ESRRA: variants seen among roughly 807,000 people sequenced by gnomAD.
The protein encoded by ESRRA is estrogen related receptor alpha.
In ESRRA, 7 loss-of-function variants were observed where a neutral mutation model predicts 35.6. The observed-to-expected ratio is 0.20, with a 90% CI of 0.11 to 0.37. The LOEUF (loss-of-function observed/expected upper bound fraction) is 0.37. Among genes scored for constraint, ESRRA ranks in the 10% least tolerant of loss-of-function variants. The pLI is 1.00. For missense variants in ESRRA, 378 were observed against 561.7 expected, an observed-to-expected ratio of 0.67 and a Z score of 3.31; for synonymous variants, 223 against 246.9, an observed-to-expected ratio of 0.90 and a Z score of 0.91.
At chr11:64,314,117 G>A in intron 3 of ESRRA, 50 bp downstream of exon 3, 5 of 1,551,914 alleles carry the variant, frequency 3.2e-6, no homozygotes, top group Non-Finnish European at 4.4e-6. Flanking sequence ...CGGGGACCCG[G>A]GCCAGGTGGG....
chr11:64,308,389 G>A (rs192972684), intron 2 of ESRRA, among the ~76,000 whole-genome samples: 5 of 151,878 alleles, frequency 3.3e-5, no homozygotes, highest in East Asian at 2.0e-4. Flanking sequence ...GGTGGCTCGC[G>A]CCTGTAATCT....
intron 4 of ESRRA, 100 bp from the exon 5 acceptor site, chr11:64,314,641 A>G: frequency 8.2e-7 from 1 of 1,212,590 alleles, no homozygotes; most frequent in Non-Finnish European, 1.1e-6. Flanking sequence ...GACAGCTGCT[A>G]CTGAGGAAGG....
At position 64,315,568 on chromosome 11, in the gene ESRRA, T is replaced by C. The variant is rs2035232340; in HGVS notation, c.1013-139T>C. 6 of 1,243,972 alleles carry C rather than the reference T, an allele frequency of 4.8e-6. No homozygotes were observed. The East Asian group carries it at 1.4e-4, about 29-fold the overall frequency. 77.1% of individuals were successfully genotyped at this position (1,243,972 alleles called of 1,614,324 possible). A position where few individuals can be genotyped will look rare whatever the true frequency, so the allele number is the denominator to read the frequency against. On this transcript the variant is annotated intron_variant, in intron 6 of 6. Coordinates refer to ENST00000000442, the MANE Select transcript of ESRRA (RefSeq NM_004451.5). The stretch of plus-strand genomic sequence containing the variant: ...GGTCCTGGCCCACGAGCCGCAGCAA[T>C]GAGTGGTGCCTCTCAGTCAGCCAAT...
At chr11:64,314,957 C>G (rs1280117064) in intron 5 of ESRRA, 44 bp from the exon 6 acceptor site, 9 of 1,601,454 alleles carry the variant, frequency 5.6e-6, no homozygotes, top group South Asian at 4.4e-5. Flanking sequence ...GGGCCCGGCT[C>G]TGGTGCGCTT....
In ESRRA at chr11:64,315,831, C is replaced by T; in HGVS notation, c.1137C>T (p.Gly379=). 6.2e-7 allele frequency: 1 copy of T among 1,609,990 alleles called. No individual in the cohort carries two copies. The highest frequency in any genetic ancestry group is 1.7e-5 in the Admixed American group (1 of 59,610). ...PGGGAERRRA[G]RLLLTLPLLR... ...GGGGTGCTGAGCGGCGGCGGGCGGGCAGGCTGCTGCTCACGCTACCGCTCC... is the reference window on the plus strand; with the variant it reads ...GGGGTGCTGAGCGGCGGCGGGCGGGTAGGCTGCTGCTCACGCTACCGCTCC... Residue 379 remains glycine (G), a synonymous_variant, in exon 7 of 7, where the codon GGC becomes GGT. Coordinates refer to ENST00000000442, the MANE Select transcript of ESRRA (RefSeq NM_004451.5).
intron 2 of ESRRA, among the ~76,000 whole-genome samples, chr11:64,308,436 T>C (rs2035075935): frequency 6.7e-6 from 1 of 149,022 alleles, no homozygotes; most frequent in Non-Finnish European, 1.5e-5. Context: ...GGCAGGAGAA[T>C]TGCTTGAACC....
intron 2 of ESRRA, among the ~76,000 whole-genome samples, chr11:64,309,342 G>T (rs769840250): frequency 6.7e-6 from 1 of 149,690 alleles, no homozygotes; most frequent in Non-Finnish European, 1.5e-5. Flanking sequence ...TGAGGCAGGA[G>T]AATTGCTTGA....
chr11:64,312,698 G>A (rs1310949897), intron 2 of ESRRA, among the ~76,000 whole-genome samples: 4 of 152,210 alleles, frequency 2.6e-5, no homozygotes, highest in Non-Finnish European at 5.9e-5. Flanking sequence ...AGCGTGGTCT[G>A]TTGTGCTGAG....
intron 2 of ESRRA, among the ~76,000 whole-genome samples, chr11:64,308,579 G>A (rs1591240210): frequency 6.7e-6 from 1 of 150,294 alleles, no homozygotes; most frequent in Non-Finnish European, 1.5e-5. Flanking sequence ...CACTTTGGGA[G>A]GCCGAGGCGG....
In ESRRA at chr11:64,313,842, C is replaced by G. The variant is rs911922947; in HGVS notation, c.326-109C>G. 5.7e-6 allele frequency: 4 copies of G among 705,978 alleles called. No individual in the cohort carries two copies. Among genetic ancestry groups the G allele is most frequent in the Non-Finnish European group, 9.4e-6 (4 of 426,896 alleles). 43.7% of individuals were successfully genotyped at this position (705,978 alleles called of 1,614,324 possible). ...TGGCCCCCTGCTCTCCCTTTCCTCC[C>G]CATACCCCCAGACCTGTGCTTGCCC... On this transcript the variant is annotated intron_variant, in intron 2 of 6. Coordinates refer to ENST00000000442, the MANE Select transcript of ESRRA (RefSeq NM_004451.5). This position sits in a 1 kb window ranked among gnomAD's most constrained non-coding sequence, Gnocchi z 4.0.
intron 6 of ESRRA, 88 bp downstream of exon 6, chr11:64,315,358 G>A (rs1278274525): frequency 3.3e-5 from 47 of 1,422,564 alleles, no homozygotes; most frequent in Non-Finnish European, 1.3e-5. Flanking sequence ...CCATTTTGCA[G>A]ATAACGAAAA....
rs527818402 is a variant in ESRRA at position 64,315,683 on chromosome 11, C to T, written c.1013-24C>T. ...CCTTGCCAGAGATAGCCCAGGCCAA[C>T]ACCACATTCCTCTCTTCTTGCAGAC... is the stretch of plus-strand genomic sequence containing the variant. On this transcript the variant is annotated intron_variant, in intron 6 of 6. Transcript: ENST00000000442. 1.2e-5 allele frequency: 19 copies of T among 1,611,864 alleles called. No individual in the cohort carries two copies. The Admixed American group carries it at 1.8e-4, about 16-fold the overall frequency.
chr11:64,316,580 A>C lies in ESRRA; in HGVS notation c.*614A>C. On this transcript the variant is annotated 3_prime_UTR_variant, in exon 7 of 7. Coordinates refer to ENST00000000442, the MANE Select transcript of ESRRA (RefSeq NM_004451.5). ...CCTGCAGAGCAATAACACTATATTT[A>C]TTTTTGGGTTTGGCCAGGGAGGCGC... 1 of 383,492 alleles carries C rather than the reference A, an allele frequency of 2.6e-6. No individual in the cohort carries two copies. Among genetic ancestry groups the C allele is most frequent in the Non-Finnish European group, 4.8e-6 (1 of 207,756 alleles). The allele number at this position is 383,492 out of a possible 1,614,324, so 23.8% of individuals were successfully genotyped here.
chr11:64,315,591 A>C (rs563231557), intron 6 of ESRRA, 116 bp from the exon 7 acceptor site: 76 of 1,407,500 alleles, frequency 5.4e-5, no homozygotes, highest in East Asian at 3.2e-4. Flanking sequence ...TCAGTCAGCC[A>C]ATCAACAAAT....
In ESRRA at chr11:64,313,055, C is replaced by T. The variant is rs2035173171; in HGVS notation, c.326-896C>T. Among the ~76,000 whole-genome samples, 1 of 152,058 alleles carries T rather than the reference C, an allele frequency of 6.6e-6. No individual in the cohort carries two copies. Among genetic ancestry groups the T allele is most frequent in the Non-Finnish European group, 1.5e-5 (1 of 68,024 alleles). ...AGGCTTAATAGGACCCTCTTGGCTG[C>T]TGAGTCGAGAACAGACTGGAGCAAG... is the stretch of plus-strand genomic sequence containing the variant. On this transcript the variant is annotated intron_variant, in intron 2 of 6. Coordinates refer to ENST00000000442, the MANE Select transcript of ESRRA (RefSeq NM_004451.5). This position sits in a 1 kb window ranked among gnomAD's most constrained non-coding sequence, Gnocchi z 4.0.
rs1463876383 is a variant in ESRRA at position 64,315,068 on chromosome 11, G to A, written c.810G>A (p.Val270=). The change falls in exon 6 of 7, where the codon GTG becomes GTA. Residue 270 remains valine (V), a synonymous_variant. Transcript: ENST00000000442. ...AGAGCGTGTGGATGGAGGTGCTGGT[G>A]CTGGGTGTGGCCCAGCGCTCACTGC... The part of the protein sequence containing the change: ...VLQSVWMEVL[V]LGVAQRSLPL... 3.1e-6 allele frequency: 5 copies of A among 1,608,516 alleles called. No individual in the cohort carries two copies. The highest frequency in any genetic ancestry group is 3.4e-6 in the Non-Finnish European group (4 of 1,178,768).
At position 64,307,308 on chromosome 11, in the gene ESRRA, C is replaced by G. The variant is rs774437764; in HGVS notation, c.129C>G (p.Pro43=). The change falls in exon 2 of 7, where the codon CCC becomes CCG. Residue 43 remains proline (P), a synonymous_variant. Transcript: ENST00000000442. ...TGGCCCTGGCCCCTGGTCCAGCTCC[C>G]ACTCGCTGCCTCCCAGGCCACAAGG... ...PPVALAPGPA[P]TRCLPGHKEE... is the part of the protein sequence containing the mutation. The G allele has an allele frequency of 7.4e-6, 12 of 1,613,208 alleles. No individual in the cohort carries two copies. The highest frequency in any genetic ancestry group is 1.0e-5 in the Non-Finnish European group (12 of 1,179,834).
Position 64,316,219 on chromosome 11 carries a change from A to T in ESRRA, c.*253A>T, listed in dbSNP as rs2035259551. On this transcript the variant is annotated 3_prime_UTR_variant, in exon 7 of 7. Transcript: ENST00000000442. ...AAGCCATAACGTGCCCCCAGAGTGT[A>T]GGGGGCCTTGCGGAAGCCATAGGGG... The T allele has an allele frequency of 4.5e-6, 2 of 448,294 alleles. No individual in the cohort carries two copies. Among genetic ancestry groups the T allele is most frequent in the East Asian group, 3.6e-5 (1 of 28,028 alleles). The allele number at this position is 448,294 out of a possible 1,614,324, so 27.8% of individuals were successfully genotyped here.
Position 64,315,753 on chromosome 11 carries a change from A to G in ESRRA, c.1059A>G (p.Glu353=). The G allele has an allele frequency of 1.2e-6, 2 of 1,613,936 alleles. No individual in the cohort carries two copies. The highest frequency in any genetic ancestry group is 2.2e-5 in the South Asian group (2 of 91,078). Residue 353 remains glutamate, a synonymous_variant, in exon 7 of 7, where the codon GAA becomes GAG. Coordinates refer to ENST00000000442, the MANE Select transcript of ESRRA (RefSeq NM_004451.5). ...EDAEAVEQLR[E]ALHEALLEYE... ...CCGAGGCTGTGGAGCAGCTGCGAGA[A>G]GCTCTGCACGAGGCCCTGCTGGAGT...
Sources: gnomAD v4.1 joint callset for allele counts (sites outside exome capture counted in the v4.1 genomes callset) on GRCh38, gnomAD v4.1.1 for gene constraint, Gnocchi (gnomAD v3.1) non-coding constraint, MANE v1.5 for transcripts, NCBI Gene and HGNC (gene_info 2026-07-23, HGNC 2026-07-21) for gene names.